TACR3: variants seen among roughly 807,000 people sequenced by gnomAD.
The protein encoded by TACR3 is neuromedin-K receptor.
TACR3 carries 34 observed loss-of-function variants against 35.0 expected under a neutral mutation model. That is an observed-to-expected ratio of 0.97 (90% CI 0.74 to 1.30). The LOEUF (loss-of-function observed/expected upper bound fraction) is 1.30, where lower values mean the gene tolerates loss of function less well. TACR3 is among the 50% of genes most tolerant of loss of function. TACR3 has a pLI of 0.00. For missense variants in TACR3, 558 were observed against 591.7 expected (o/e 0.94, Z 0.59); for synonymous variants, 233 against 221.1 (o/e 1.05, Z -0.48).
chr4:103,644,426 C>T (rs1725418599), intron 3 of TACR3, among the ~76,000 whole-genome samples: 1 of 151,778 alleles, frequency 6.6e-6, no homozygotes, highest in Admixed American at 6.6e-5. Flanking sequence ...AAATTGCGTA[C>T]ATTTTCAGCA....
At chr4:103,659,178 G>A (rs900799944) in intron 1 of TACR3, among the ~76,000 whole-genome samples, 10 of 152,174 alleles carry the variant, frequency 6.6e-5, no homozygotes, top group Non-Finnish European at 1.3e-4. Context: ...CTCACTTCCT[G>A]CTGTGCAGCC....
intron 3 of TACR3, among the ~76,000 whole-genome samples, chr4:103,608,117 G>A (rs4580655): frequency 0.62 from 94,900 of 151,890 alleles, 29,932 homozygotes; most frequent in Non-Finnish European, 0.65. Flanking sequence ...TCATATGTTC[G>A]TTACCACGCT....
chr4:103,682,735 T>C (rs1722128444), intron 1 of TACR3, among the ~76,000 whole-genome samples: 1 of 152,048 alleles, frequency 6.6e-6, no homozygotes, highest in East Asian at 1.9e-4. Flanking sequence ...GGGTCCTCTC[T>C]TAGGATCTCA....
intron 1 of TACR3, among the ~76,000 whole-genome samples, chr4:103,660,836 G>A (rs1306064903): frequency 1.3e-5 from 2 of 151,844 alleles, no homozygotes; most frequent in Non-Finnish European, 2.9e-5. Flanking sequence ...TGGTTATTTT[G>A]GTGAAGATAA....
chr4:103,681,023 C>A (rs1390349145), intron 1 of TACR3, among the ~76,000 whole-genome samples: 1 of 151,614 alleles, frequency 6.6e-6, no homozygotes, highest in Non-Finnish European at 1.5e-5. Context: ...GGTTTGCTTT[C>A]TCTTGCTAAG....
chr4:103,606,802 A>G (rs1724381235), intron 3 of TACR3, among the ~76,000 whole-genome samples: 1 of 152,118 alleles, frequency 6.6e-6, no homozygotes, highest in Non-Finnish European at 1.5e-5. Flanking sequence ...TCCTAATTGA[A>G]TACCCTTTAT....
At chr4:103,702,940 T>A (rs1011044955) in intron 1 of TACR3, among the ~76,000 whole-genome samples, 51 of 148,516 alleles carry the variant, frequency 3.4e-4, no homozygotes, top group Non-Finnish European at 1.5e-5. Flanking sequence ...TTAGGAGATA[T>A]ACCTAATGTT....
intron 1 of TACR3, among the ~76,000 whole-genome samples, chr4:103,697,386 ATTTATTTATTTATTTG>A (rs1401226025): frequency 5.0e-5 from 7 of 139,814 alleles, no homozygotes; most frequent in African/African-American, 2.1e-4. Context: ...CACTTGTGTT[ATTTATTTATTTATTTG>A]TTTATTTATT....
At chr4:103,638,312 C>T (rs911685478) in intron 3 of TACR3, among the ~76,000 whole-genome samples, 4 of 151,424 alleles carry the variant, frequency 2.6e-5, no homozygotes, top group African/African-American at 9.7e-5. Context: ...TGATCTTTGA[C>T]AAACCTGACA....
intron 1 of TACR3, among the ~76,000 whole-genome samples, chr4:103,693,113 T>C (rs910819535): frequency 6.6e-6 from 1 of 152,216 alleles, no homozygotes; most frequent in Non-Finnish European, 1.5e-5. Context: ...ACAATTTTAT[T>C]TTGCATATGC....
intron 1 of TACR3, among the ~76,000 whole-genome samples, chr4:103,714,991 G>A (rs2110233519): frequency 6.6e-6 from 1 of 152,208 alleles, no homozygotes. Context: ...ACAACAAAGG[G>A]TAGCATAGAA....
At position 103,674,690 on chromosome 4, in the gene TACR3, T is replaced by A. The variant is rs115858082; in HGVS notation, c.549-16287A>T. On this transcript the variant is annotated intron_variant, in intron 1 of 4. Coordinates refer to ENST00000304883, the MANE Select transcript of TACR3 (RefSeq NM_001059.3). Reference sequence around the variant, plus strand: ...CCTCAGCCTCCCAAGTAGCTGAGACTGCAGGCGCACACCTCCACGCCTGGC... The same window carrying A: ...CCTCAGCCTCCCAAGTAGCTGAGACAGCAGGCGCACACCTCCACGCCTGGC... 2.9e-3 allele frequency among the ~76,000 whole-genome samples: 438 copies of A among 152,310 alleles called. 4 individuals are homozygous for A. The highest frequency in any genetic ancestry group is 0.01 in the African/African-American group (419 of 41,576).
chr4:103,697,959 T>C (rs932964565), intron 1 of TACR3, among the ~76,000 whole-genome samples: 1 of 152,214 alleles, frequency 6.6e-6, no homozygotes, highest in African/African-American at 2.4e-5. Context: ...TGAACGGGGA[T>C]TGCCAGTAAC....
chr4:103,628,999 A>G (rs1724980602), intron 3 of TACR3, among the ~76,000 whole-genome samples: 1 of 152,196 alleles, frequency 6.6e-6, no homozygotes, highest in Non-Finnish European at 1.5e-5. Flanking sequence ...ACAAATCAAT[A>G]AATGTAATCC....
intron 3 of TACR3, among the ~76,000 whole-genome samples, chr4:103,603,747 C>T (rs1560803010): frequency 1.3e-5 from 2 of 152,186 alleles, no homozygotes; most frequent in Non-Finnish European, 2.9e-5. Context: ...GGAATTGCCA[C>T]ACTGTCTTCT....
At chr4:103,603,414 G>C (rs149541372) in intron 3 of TACR3, among the ~76,000 whole-genome samples, 2 of 152,204 alleles carry the variant, frequency 1.3e-5, no homozygotes, top group African/African-American at 2.4e-5. Flanking sequence ...TGCACCTACT[G>C]TCTGGCACTC....
At chr4:103,615,798 A>G (rs1203654376) in intron 3 of TACR3, among the ~76,000 whole-genome samples, 1 of 152,238 alleles carries the variant, frequency 6.6e-6, no homozygotes, top group East Asian at 1.9e-4. Context: ...TGTAATATAT[A>G]GAGCATAAAA....
intron 3 of TACR3, among the ~76,000 whole-genome samples, chr4:103,641,934 TAGA>T (rs1725365207): frequency 6.6e-6 from 1 of 151,660 alleles, no homozygotes; most frequent in Non-Finnish European, 1.5e-5. Flanking sequence ...GTCAAACTAA[TAGA>T]AGTAGAGAGT....
chr4:103,688,831 G>A (rs960868634), intron 1 of TACR3, among the ~76,000 whole-genome samples: 1 of 152,162 alleles, frequency 6.6e-6, no homozygotes, highest in Non-Finnish European at 1.5e-5. Context: ...CATTGTGGAA[G>A]GCAGTGTGGC....
Sources: allele counts gnomAD v4.1 joint callset (sites outside exome capture counted in the v4.1 genomes callset), GRCh38; gene constraint gnomAD v4.1.1; transcripts MANE v1.5; gene names NCBI Gene and HGNC (gene_info 2026-07-23, HGNC 2026-07-21).